The following VRK3 variants were observed in gnomAD, a reference collection of about 807,000 sequenced individuals.
VRK3 encodes serine/threonine-protein kinase VRK3.
VRK3 carries 50 observed loss-of-function variants against 60.4 expected under a neutral mutation model. That is an observed-to-expected ratio of 0.83 (90% confidence interval 0.66 to 1.05). The LOEUF (loss-of-function observed/expected upper bound fraction) is 1.05. Among genes scored for constraint, VRK3 ranks in the 50% least tolerant of loss-of-function variants. The probability of loss-of-function intolerance (pLI) is 0.00; values close to 1 mark genes in which losing one functional copy is unlikely to be tolerated. For synonymous variants in VRK3, 246 were observed against 227.8 expected, an observed-to-expected ratio of 1.08 and a Z score of -0.72; for missense variants, 549 against 585.3, an observed-to-expected ratio of 0.94 and a Z score of 0.64.
In VRK3 at chr19:50,007,808, G is replaced by T; in HGVS notation, c.308C>A (p.Pro103Gln). The T allele has an allele frequency of 1.2e-6, 2 of 1,614,206 alleles. No individual in the cohort carries two copies. The highest frequency in any genetic ancestry group is 1.7e-6 in the Non-Finnish European group (2 of 1,180,044). Reference sequence around the variant, plus strand: ...CTTCTGAGGGCTGCTTTTGGGGGTTGGGGGTCTGCTCCCGGAGCCTGCAGG... The same window carrying T: ...CTTCTGAGGGCTGCTTTTGGGGGTTTGGGGTCTGCTCCCGGAGCCTGCAGG... ...ERSKGSGSRP[P>Q]TPKSSPQKTR... The change falls in exon 5 of 15, where the codon CCA becomes CAA. Residue 103 changes from proline to glutamine, a missense_variant. Pro to Gln is a moderately conservative substitution (Grantham distance 76, BLOSUM62 -1). Coordinates refer to ENST00000316763, the MANE Select transcript of VRK3 (RefSeq NM_016440.4).
intron 9 of VRK3, among the ~76,000 whole-genome samples, chr19:49,994,470 C>T (rs1306528210): frequency 1.3e-5 from 2 of 152,250 alleles, no homozygotes; most frequent in Non-Finnish European, 2.9e-5. Context: ...GCCGGACCAT[C>T]CTCTCCTCAT....
At chr19:49,988,234 C>T in intron 12 of VRK3, 138 bp downstream of exon 12, 1 of 1,343,968 alleles carries the variant, frequency 7.4e-7, no homozygotes, top group Non-Finnish European at 1.0e-6. Context: ...CAGCACATGC[C>T]TGTGCGGCTC....
chr19:50,011,603 T>A (rs985270303), intron 3 of VRK3, among the ~76,000 whole-genome samples: 2 of 151,394 alleles, frequency 1.3e-5, no homozygotes, highest in Non-Finnish European at 3.0e-5. Flanking sequence ...CCAAACTCCC[T>A]CCCATGGTCC....
intron 7 of VRK3, 25 bp from the exon 8 acceptor site, chr19:49,995,300 T>C (rs1381091246): frequency 2.5e-6 from 4 of 1,610,952 alleles, no homozygotes; most frequent in Non-Finnish European, 3.4e-6. Flanking sequence ...GGCTTGAGGT[T>C]AGAACCCACC....
chr19:49,993,028 G>A, intron 9 of VRK3, 76 bp from the exon 10 acceptor site: 1 of 1,368,606 alleles, frequency 7.3e-7, no homozygotes, highest in Non-Finnish European at 1.0e-6. Context: ...GACCAGGAGG[G>A]AGCCCCACTA....
chr19:49,988,268 GC>G (rs1032509466), intron 12 of VRK3, 103 bp downstream of exon 12: 1 of 1,493,636 alleles, frequency 6.7e-7, no homozygotes, highest in African/African-American at 1.4e-5. Context: ...TCTGCTGGAT[GC>G]CACCTCCCCT....
chr19:49,994,947 G>T, intron 8 of VRK3, 28 bp from the exon 9 acceptor site: 1 of 1,603,776 alleles, frequency 6.2e-7, no homozygotes. Context: ...CCCAGGAGGT[G>T]GGAGATGAAC....
chr19:49,988,166 G>C, intron 12 of VRK3: 1 of 621,558 alleles, frequency 1.6e-6, no homozygotes, highest in Non-Finnish European at 2.5e-6. Context: ...TGGTGCCAGA[G>C]TCTGAGCCCA....
intron 1 of VRK3, among the ~76,000 whole-genome samples, chr19:50,023,408 C>T (rs937785194): frequency 5.3e-5 from 8 of 152,236 alleles, no homozygotes; most frequent in Non-Finnish European, 1.0e-4. Context: ...TGGTCTTAAA[C>T]TCCTGACCTC....
chr19:49,989,251 G>T (rs930618337), intron 11 of VRK3, among the ~76,000 whole-genome samples: 1 of 152,134 alleles, frequency 6.6e-6, no homozygotes, highest in African/African-American at 2.4e-5. Context: ...CTCTCCCAGG[G>T]CTTCGGCTGA....
chr19:49,978,978 T>C, intron 14 of VRK3, 105 bp downstream of exon 14: 1 of 1,249,430 alleles, frequency 8.0e-7, no homozygotes, highest in Non-Finnish European at 1.1e-6. Flanking sequence ...AGCTGGGCCC[T>C]GGTATGAACG....
intron 10 of VRK3, among the ~76,000 whole-genome samples, chr19:49,990,026 ATT>A (rs896796134): frequency 1.4e-5 from 2 of 148,092 alleles, no homozygotes. Flanking sequence ...TCATTCCAAA[ATT>A]TTTTTTTTTT....
chr19:50,014,685 G>A (rs2077046385), intron 3 of VRK3, among the ~76,000 whole-genome samples: 1 of 152,174 alleles, frequency 6.6e-6, no homozygotes. Flanking sequence ...ACAGGCTGAG[G>A]CCCAGGCGTG....
chr19:49,991,347 C>T (rs920060575), intron 10 of VRK3, among the ~76,000 whole-genome samples: 1 of 152,144 alleles, frequency 6.6e-6, no homozygotes, highest in Non-Finnish European at 1.5e-5. Context: ...TTGGTCTTTT[C>T]CTGCCTTTGG....
At position 49,988,363 on chromosome 19, in the gene VRK3, T is replaced by C; in HGVS notation, c.1217+9A>G. The C allele has an allele frequency of 6.2e-7, 1 of 1,610,312 alleles. No individual in the cohort carries two copies. Among genetic ancestry groups the C allele is most frequent in the Non-Finnish European group, 8.5e-7 (1 of 1,177,822 alleles). ...CACCTGCAGGGGTTCTGCTGACCCCTAGACTCACTTCTGTTTTTGCTTCAT... is the reference window on the plus strand; with the variant it reads ...CACCTGCAGGGGTTCTGCTGACCCCCAGACTCACTTCTGTTTTTGCTTCAT... On this transcript the variant is annotated intron_variant, in intron 12 of 14. Coordinates refer to ENST00000316763, the MANE Select transcript of VRK3 (RefSeq NM_016440.4).
intron 12 of VRK3, among the ~76,000 whole-genome samples, chr19:49,983,833 GT>G (rs1386841485): frequency 6.6e-6 from 1 of 152,192 alleles, no homozygotes; most frequent in Non-Finnish European, 1.5e-5. Context: ...GGTCCCCTTG[GT>G]TATTGTCTGG....
intron 11 of VRK3, among the ~76,000 whole-genome samples, chr19:49,989,095 C>G (rs2076566640): frequency 6.6e-6 from 1 of 152,174 alleles, no homozygotes; most frequent in African/African-American, 2.4e-5. Context: ...GGGGTGCCAT[C>G]CCTGTACTGG....
At chr19:49,989,424 C>T (rs2076572142) in intron 11 of VRK3, among the ~76,000 whole-genome samples, 1 of 152,174 alleles carries the variant, frequency 6.6e-6, no homozygotes, top group African/African-American at 2.4e-5. Flanking sequence ...AACTCAGGCT[C>T]CCCAGTGCCC....
At chr19:49,999,140 A>G (rs2076756854) in intron 6 of VRK3, 2 of 152,084 alleles carry the variant, frequency 1.3e-5, no homozygotes, top group Non-Finnish European at 2.9e-5. Flanking sequence ...AATCCAAAAG[A>G]ATTAAATGAC....
Sources: gnomAD v4.1 joint callset for allele counts (sites outside exome capture counted in the v4.1 genomes callset) on GRCh38, gnomAD v4.1.1 for gene constraint, MANE v1.5 for transcripts, NCBI Gene and HGNC (gene_info 2026-07-23, HGNC 2026-07-21) for gene names.